ATP13A4: variants seen among roughly 807,000 people sequenced by gnomAD.
The protein encoded by ATP13A4 is ATPase 13A4.
In ATP13A4, 114 loss-of-function variants were observed where a neutral mutation model predicts 142.5. The observed-to-expected ratio is 0.80, with a 90% CI of 0.69 to 0.93. The LOEUF (loss-of-function observed/expected upper bound fraction) is 0.93. Ranked by LOEUF, ATP13A4 falls within the 40% of genes least tolerant of loss-of-function variation. ATP13A4 has a pLI of 0.00. For missense variants in ATP13A4, 1,392 were observed against 1,454.0 expected (o/e 0.96, Z 0.69); for synonymous variants, 488 against 514.8 (o/e 0.95, Z 0.70).
intron 1 of ATP13A4, among the ~76,000 whole-genome samples, chr3:193,536,841 G>A (rs1398444483): frequency 6.6e-6 from 1 of 151,954 alleles, no homozygotes; most frequent in Non-Finnish European, 1.5e-5. Flanking sequence ...TATGGGTACT[G>A]AAATTAAAAA....
chr3:193,520,096 C>A (rs1042047384), intron 1 of ATP13A4, among the ~76,000 whole-genome samples: 2 of 151,970 alleles, frequency 1.3e-5, no homozygotes, highest in Admixed American at 1.3e-4. Flanking sequence ...GTAGTGGGCA[C>A]TCAATAAATA....
chr3:193,537,513 CAA>C (rs1251865839), intron 1 of ATP13A4, among the ~76,000 whole-genome samples: 1 of 152,096 alleles, frequency 6.6e-6, no homozygotes, highest in African/African-American at 2.4e-5. Flanking sequence ...TATGGCTAGG[CAA>C]AGAGTTCCTA....
intron 1 of ATP13A4, among the ~76,000 whole-genome samples, chr3:193,592,587 G>A (rs1256495139): frequency 6.6e-6 from 1 of 152,204 alleles, no homozygotes; most frequent in Non-Finnish European, 1.5e-5. Context: ...AAACTGGTGG[G>A]CTTAAAATCC....
At chr3:193,547,052 T>C (rs1723269372) in intron 1 of ATP13A4, among the ~76,000 whole-genome samples, 1 of 152,222 alleles carries the variant, frequency 6.6e-6, no homozygotes, top group Non-Finnish European at 1.5e-5. Flanking sequence ...GCTAAGAACC[T>C]TAGAGACATC....
At chr3:193,474,322 CAAAAAAAAAAAA>C (rs1176133187) in intron 8 of ATP13A4, among the ~76,000 whole-genome samples, 1 of 69,090 alleles carries the variant, frequency 1.4e-5, no homozygotes, top group Non-Finnish European at 2.8e-5. Context: ...GACTCCGTCT[CAAAAAAAAAAAA>C]AAAAAAAAAA....
Position 193,527,192 on chromosome 3 carries a change from G to A in ATP13A4, c.61-12321C>T, listed in dbSNP as rs79889213. Among the ~76,000 whole-genome samples the A allele has an allele frequency of 2.1e-3, 325 of 152,210 alleles. 8 individuals are homozygous for A. In the East Asian group the frequency reaches 0.051, roughly 24 times the overall value. ...TGATGTGGTTTGGCTCTGTGTCTCC[G>A]CCCAAATCTCATCTAGAATTGTCAA... On this transcript the variant is annotated intron_variant, in intron 1 of 29. Transcript: ENST00000342695.
At chr3:193,480,551 G>A (rs1005294062) in intron 8 of ATP13A4, among the ~76,000 whole-genome samples, 16 of 151,994 alleles carry the variant, frequency 1.1e-4, no homozygotes, top group African/African-American at 3.9e-4. Context: ...TAATGATCAG[G>A]GAAATGCAAA....
At chr3:193,474,757 AAG>A (rs1357016289) in intron 8 of ATP13A4, among the ~76,000 whole-genome samples, 1 of 151,762 alleles carries the variant, frequency 6.6e-6, no homozygotes, top group African/African-American at 2.4e-5. Flanking sequence ...AGGAAAAAGA[AAG>A]AAAGAGAAAG....
rs1714272444 is a variant in ATP13A4 at position 193,401,870 on chromosome 3, G to A, written c.*782C>T. 6.6e-6 allele frequency among the ~76,000 whole-genome samples: 1 copy of A among 152,080 alleles called. No homozygotes were observed. Among genetic ancestry groups the A allele is most frequent in the South Asian group, 2.1e-4 (1 of 4,822 alleles). ...ATCCTTGACTAATGAGATATGAGTA[G>A]GGAAAGCAATGTGTGCCACTTTTGG... On this transcript the variant is annotated 3_prime_UTR_variant, in exon 30 of 30. Coordinates refer to ENST00000342695, the MANE Select transcript of ATP13A4 (RefSeq NM_032279.4).
intron 9 of ATP13A4, among the ~76,000 whole-genome samples, chr3:193,470,059 T>C (rs568469697): frequency 9.2e-5 from 14 of 152,294 alleles, no homozygotes; most frequent in Non-Finnish European, 1.3e-4. Context: ...CTGAGAGAAA[T>C]GGATTTGATC....
chr3:193,457,263 C>T (rs1717675951), intron 15 of ATP13A4, 110 bp from the exon 16 acceptor site: 1 of 1,563,556 alleles, frequency 6.4e-7, no homozygotes, highest in South Asian at 1.1e-5. Flanking sequence ...GGGAAGGTCT[C>T]ACCCATTTTC....
intron 7 of ATP13A4, among the ~76,000 whole-genome samples, chr3:193,489,430 C>T (rs982498693): frequency 6.6e-6 from 1 of 152,160 alleles, no homozygotes; most frequent in Non-Finnish European, 1.5e-5. Context: ...CATCAGTATT[C>T]TCTACATAAA....
chr3:193,503,048 A>T (rs544966333), intron 2 of ATP13A4, among the ~76,000 whole-genome samples: 2 of 151,962 alleles, frequency 1.3e-5, no homozygotes, highest in Non-Finnish European at 2.9e-5. Flanking sequence ...AGGGGGGGGA[A>T]CTATCACTTT....
intron 17 of ATP13A4, among the ~76,000 whole-genome samples, chr3:193,448,708 T>A (rs988905599): frequency 5.3e-5 from 8 of 152,238 alleles, no homozygotes; most frequent in Non-Finnish European, 8.8e-5. Context: ...ATTCACTCAT[T>A]CAAGCACTGT....
intron 17 of ATP13A4, among the ~76,000 whole-genome samples, chr3:193,453,003 C>T (rs1717375229): frequency 6.6e-6 from 1 of 152,022 alleles, no homozygotes; most frequent in Admixed American, 6.6e-5. Flanking sequence ...AGTCACCTTA[C>T]TGGCGGCAAG....
chr3:193,476,121 T>A (rs1336901681), intron 8 of ATP13A4, among the ~76,000 whole-genome samples: 1 of 152,076 alleles, frequency 6.6e-6, no homozygotes, highest in Non-Finnish European at 1.5e-5. Context: ...CAGTATGACC[T>A]CATAATGCAT....
intron 2 of ATP13A4, among the ~76,000 whole-genome samples, chr3:193,580,124 T>C: frequency 6.6e-6 from 1 of 152,212 alleles, no homozygotes; most frequent in East Asian, 1.9e-4. Context: ...TATATAAATA[T>C]GTGAATCCAA....
At chr3:193,564,009 G>A (rs983404157) in intron 2 of ATP13A4, among the ~76,000 whole-genome samples, 4 of 152,134 alleles carry the variant, frequency 2.6e-5, no homozygotes, top group African/African-American at 9.7e-5. Flanking sequence ...AATATAAAAT[G>A]GAGAAAAACA....
chr3:193,483,759 C>T (rs1399956567), intron 8 of ATP13A4, among the ~76,000 whole-genome samples, 177 bp downstream of exon 8: 2 of 152,032 alleles, frequency 1.3e-5, no homozygotes, highest in Non-Finnish European at 2.9e-5. Flanking sequence ...CCACCGCACC[C>T]GGTCTAAAGT....
Sources: gnomAD v4.1 joint callset for allele counts (sites outside exome capture counted in the v4.1 genomes callset) on GRCh38, gnomAD v4.1.1 for gene constraint, MANE v1.5 for transcripts, NCBI Gene and HGNC (gene_info 2026-07-23, HGNC 2026-07-21) for gene names.